The following ZKSCAN5 variants were observed in gnomAD, a reference collection of about 807,000 sequenced individuals.
The protein encoded by ZKSCAN5 is zinc finger protein with KRAB and SCAN domains 5.
Under a neutral mutation model 60.0 loss-of-function variants are expected in ZKSCAN5, and 28 were observed. The ratio of observed to expected loss-of-function variants is 0.47; its 90% confidence interval spans 0.35 to 0.64. The LOEUF is 0.64. Among genes scored for constraint, ZKSCAN5 ranks in the 30% least tolerant of loss-of-function variants. The pLI is 0.01. For missense variants in ZKSCAN5, 881 were observed against 1,034.6 expected (o/e 0.85, Z 2.04); for synonymous variants, 361 against 371.2 (o/e 0.97, Z 0.31).
In ZKSCAN5 at chr7:99,507,533, A is replaced by ATATATATATG. The variant is rs1203694946; in HGVS notation, c.414+1097_414+1106dup. Among the ~76,000 whole-genome samples, 4 of 112,916 alleles carry ATATATATATG rather than the reference A, an allele frequency of 3.5e-5. 1 individual carries two copies. The South Asian group carries it at 1.5e-3, about 43-fold the overall frequency. The allele number at this position is 112,916 out of a possible 152,430, so 74.1% of individuals were successfully genotyped here. On this transcript the variant is annotated intron_variant, in intron 2 of 6. Transcript: ENST00000326775. ...TATGTGTGTATATATGTATATGTGT[A>ATATATATATG]TATATATATGTATATATATGTATAT... is the stretch of plus-strand genomic sequence containing the variant.
At chr7:99,520,497 A>C (rs936518068) in intron 5 of ZKSCAN5, among the ~76,000 whole-genome samples, 193 bp downstream of exon 5, 2 of 150,524 alleles carry the variant, frequency 1.3e-5, no homozygotes, top group Non-Finnish European at 2.9e-5. Flanking sequence ...TTTCCATCTT[A>C]ATAAGAGTAT....
In ZKSCAN5 at chr7:99,520,289, A is replaced by T; in HGVS notation, c.757A>T (p.Ser253Cys). ...GGATGACAGGAAGGAGAACTATGGG[A>T]GTATTACTTCCATGGGTAAGGATTA... is the stretch of plus-strand genomic sequence containing the variant. ...YRDDRKENYG[S>C]ITSMGYESRD... is the part of the protein sequence containing the mutation. Residue 253 changes from serine (S) to cysteine (C), a missense_variant, in exon 5 of 7, where the codon AGT becomes TGT. Coordinates refer to ENST00000326775, the MANE Select transcript of ZKSCAN5 (RefSeq NM_145102.4). 6.2e-7 allele frequency: 1 copy of T among 1,613,126 alleles called. No individual in the cohort carries two copies. The highest frequency in any genetic ancestry group is 8.5e-7 in the Non-Finnish European group (1 of 1,179,796).
At chr7:99,530,843 A>T (rs1459831398) in intron 6 of ZKSCAN5, among the ~76,000 whole-genome samples, 2 of 152,078 alleles carry the variant, frequency 1.3e-5, no homozygotes. Context: ...GATCACCCAA[A>T]GTCAGGAGTT....
intron 3 of ZKSCAN5, among the ~76,000 whole-genome samples, chr7:99,516,277 C>T (rs755268788): frequency 6.6e-6 from 1 of 152,198 alleles, no homozygotes; most frequent in Non-Finnish European, 1.5e-5. Context: ...TGCTTCTCAT[C>T]CTCTCTGCCC....
Position 99,506,006 on chromosome 7 carries a change from G to A in ZKSCAN5, c.-39G>A. 1.3e-6 allele frequency: 2 copies of A among 1,596,958 alleles called. No individual in the cohort carries two copies. Among genetic ancestry groups the A allele is most frequent in the Non-Finnish European group, 1.7e-6 (2 of 1,170,560 alleles). ...AGAGCAGAAAAACAATTGTTTCAGT[G>A]TAACACAGCCAGCCTCGAAGACTTC... On this transcript the variant is annotated splice_region_variant and 5_prime_UTR_variant, in exon 2 of 7. Transcript: ENST00000326775.
intron 5 of ZKSCAN5, among the ~76,000 whole-genome samples, chr7:99,524,461 C>G (rs1801686353): frequency 6.6e-6 from 1 of 152,194 alleles, no homozygotes; most frequent in Admixed American, 6.6e-5. Context: ...AACCGCCCGC[C>G]TTGGCTTCCC....
At chr7:99,519,273 ATTTTT>A (rs536984886) in intron 3 of ZKSCAN5, among the ~76,000 whole-genome samples, 4 of 112,666 alleles carry the variant, frequency 3.6e-5, no homozygotes, top group Non-Finnish European at 5.4e-5. Context: ...CACGCCCAGT[ATTTTT>A]TTTTTTTTTT....
At chr7:99,522,066 T>C (rs1408826400) in intron 5 of ZKSCAN5, among the ~76,000 whole-genome samples, 1 of 152,198 alleles carries the variant, frequency 6.6e-6, no homozygotes, top group Non-Finnish European at 1.5e-5. Context: ...TCTCATTCTC[T>C]ATCTCTTCAT....
chr7:99,521,102 T>A (rs1404152558), intron 5 of ZKSCAN5, among the ~76,000 whole-genome samples: 2 of 152,232 alleles, frequency 1.3e-5, no homozygotes, highest in African/African-American at 2.4e-5. Context: ...TTATAGCTTT[T>A]AGCCTTTTTT....
At chr7:99,524,227 C>T (rs1348497243) in intron 5 of ZKSCAN5, among the ~76,000 whole-genome samples, 6 of 152,048 alleles carry the variant, frequency 3.9e-5, no homozygotes, top group East Asian at 1.9e-4. Context: ...TGTGCCACGA[C>T]GCCTGGCTAA....
chr7:99,513,062 G>A (rs1801113666), intron 3 of ZKSCAN5, among the ~76,000 whole-genome samples: 1 of 144,012 alleles, frequency 6.9e-6, no homozygotes, highest in South Asian at 2.1e-4. Context: ...CCACCTATGA[G>A]TGAGAATATG....
intron 1 of ZKSCAN5, 163 bp from the exon 2 acceptor site, chr7:99,505,842 A>T: frequency 1.9e-6 from 1 of 526,692 alleles, no homozygotes; most frequent in East Asian, 3.3e-5. Context: ...ACCTTGTAGT[A>T]CCTATTTTTA....
chr7:99,526,498 C>T, intron 6 of ZKSCAN5, 80 bp downstream of exon 6: 1 of 1,520,898 alleles, frequency 6.6e-7, no homozygotes, highest in Non-Finnish European at 8.8e-7. Context: ...TACAACAGGA[C>T]AGATGGGTGG....
intron 2 of ZKSCAN5, among the ~76,000 whole-genome samples, chr7:99,512,159 A>C (rs1421942812): frequency 6.6e-6 from 1 of 152,094 alleles, no homozygotes; most frequent in Non-Finnish European, 1.5e-5. Context: ...CTGGCCTCCC[A>C]GTCTAAAATA....
chr7:99,532,317 A>G lies in ZKSCAN5; in HGVS notation c.*68A>G. ...TACTCCTATAATGAGCAAAGTAACA[A>G]CTTCAAGCATTTTTCCAGCGTTACC... On this transcript the variant is annotated 3_prime_UTR_variant, in exon 7 of 7. Transcript: ENST00000326775. The G allele has an allele frequency of 7.0e-7, 1 of 1,432,226 alleles. No individual in the cohort carries two copies. The highest frequency in any genetic ancestry group is 9.3e-7 in the Non-Finnish European group (1 of 1,075,130). The allele number at this position is 1,432,226 out of a possible 1,614,324, so 88.7% of individuals were successfully genotyped here.
Position 99,531,739 on chromosome 7 carries a change from T to A in ZKSCAN5, c.2010T>A (p.Phe670Leu), listed in dbSNP as rs1802055187. The change falls in exon 7 of 7, where the codon TTT (phenylalanine) becomes TTA (leucine). Residue 670 changes from phenylalanine to leucine, a missense_variant. Transcript: ENST00000326775. ...AGTGTCGTGAATGTGGGGAAATCTT[T>A]TTTCAGTACGTTAGCCTAATTGAAC... ...SHQCRECGEI[F>L]FQYVSLIEHQ... 6.2e-7 allele frequency: 1 copy of A among 1,614,046 alleles called. No individual in the cohort carries two copies. The highest frequency in any genetic ancestry group is 1.1e-5 in the South Asian group (1 of 91,080).
chr7:99,504,954 C>T (rs1257639476), intron 1 of ZKSCAN5: 2 of 152,774 alleles, frequency 1.3e-5, no homozygotes, highest in South Asian at 4.1e-4. Context: ...CGCCCCCTTC[C>T]CCGCCCCACG....
At chr7:99,513,550 T>C (rs1801136871) in intron 3 of ZKSCAN5, among the ~76,000 whole-genome samples, 1 of 151,928 alleles carries the variant, frequency 6.6e-6, no homozygotes, top group African/African-American at 2.4e-5. Context: ...CCTGCCACCA[T>C]GCCCAGCTAA....
intron 3 of ZKSCAN5, among the ~76,000 whole-genome samples, chr7:99,518,979 CTT>C (rs1233450704): frequency 1.2e-4 from 10 of 80,950 alleles, no homozygotes; most frequent in Non-Finnish European, 1.3e-4. Context: ...TGGCCCCCAC[CTT>C]TTTTTTTTTT....
Sources: allele counts gnomAD v4.1 joint callset (sites outside exome capture counted in the v4.1 genomes callset), GRCh38; gene constraint gnomAD v4.1.1; transcripts MANE v1.5; gene names NCBI Gene and HGNC (gene_info 2026-07-23, HGNC 2026-07-21).